The following NRXN3 variants were observed in gnomAD, a reference collection of about 807,000 sequenced individuals.
NRXN3 encodes neurexin 3.
In NRXN3, 32 loss-of-function variants were observed where a neutral mutation model predicts 137.6. The observed-to-expected ratio is 0.23, with a 90% confidence interval of 0.18 to 0.31. The LOEUF (loss-of-function observed/expected upper bound fraction) is 0.31, where lower values mean the gene tolerates loss of function less well. Among genes scored for constraint, NRXN3 ranks in the 10% least tolerant of loss-of-function variants. NRXN3 has a pLI of 1.00. For synonymous variants in NRXN3, 798 were observed against 784.5 expected (o/e 1.02, Z -0.29); for missense variants, 1,574 against 2,062.5 (o/e 0.76, Z 4.59).
intron 15 of NRXN3, among the ~76,000 whole-genome samples, chr14:79,347,175 TA>T (rs2092928233): frequency 6.6e-6 from 1 of 152,136 alleles, no homozygotes; most frequent in Non-Finnish European, 1.5e-5. Flanking sequence ...TCTTTGAAAT[TA>T]AAAAATAACT....
intron 4 of NRXN3, among the ~76,000 whole-genome samples, chr14:78,593,967 G>C (rs182974237): frequency 6.6e-6 from 1 of 152,106 alleles, no homozygotes; most frequent in Non-Finnish European, 1.5e-5. Context: ...GAGGGAAGAG[G>C]CTGCTGGTGC....
chr14:79,741,032 G>T (rs1252063128), intron 19 of NRXN3, among the ~76,000 whole-genome samples: 1 of 151,794 alleles, frequency 6.6e-6, no homozygotes, highest in African/African-American at 2.4e-5. Flanking sequence ...ACCATCTCAA[G>T]GTTAGAGAGG....
chr14:79,568,060 T>C (rs745741045), intron 16 of NRXN3, among the ~76,000 whole-genome samples: 6 of 152,130 alleles, frequency 3.9e-5, no homozygotes, highest in East Asian at 1.9e-4. Context: ...CACAATTCAA[T>C]GGAACTGAAG....
intron 4 of NRXN3, among the ~76,000 whole-genome samples, chr14:78,618,257 C>A (rs1306804493): frequency 6.6e-6 from 1 of 150,812 alleles, no homozygotes; most frequent in East Asian, 1.9e-4. Context: ...TTGTGCTATA[C>A]CTTTTTTTTT....
At chr14:78,371,136 C>T (rs193098040) in intron 4 of NRXN3, among the ~76,000 whole-genome samples, 3 of 152,118 alleles carry the variant, frequency 2.0e-5, no homozygotes, top group Admixed American at 1.3e-4. Context: ...GAACAGTTAT[C>T]CCCGTTTTCC....
At chr14:78,502,604 A>G (rs12586366) in intron 4 of NRXN3, among the ~76,000 whole-genome samples, 63,423 of 152,070 alleles carry the variant, frequency 0.42, 13,414 homozygotes, top group East Asian at 0.51. Context: ...CATTTGTTAT[A>G]TTCACTTTTT....
intron 16 of NRXN3, among the ~76,000 whole-genome samples, chr14:79,557,362 A>T (rs1028370761): frequency 6.6e-6 from 1 of 151,876 alleles, no homozygotes; most frequent in Non-Finnish European, 1.5e-5. Flanking sequence ...GGTTCATAGA[A>T]CTCATTATAT....
chr14:79,546,124 A>G (rs1328464169), intron 16 of NRXN3, among the ~76,000 whole-genome samples: 3 of 152,126 alleles, frequency 2.0e-5, no homozygotes, highest in Admixed American at 1.3e-4. Flanking sequence ...CCCCAGCCAC[A>G]TGGAACTGTA....
intron 4 of NRXN3, among the ~76,000 whole-genome samples, chr14:78,492,796 T>G (rs2095693901): frequency 6.6e-6 from 1 of 152,214 alleles, no homozygotes; most frequent in South Asian, 2.1e-4. Context: ...GTTTTAAACA[T>G]GGATTCAAGC....
intron 15 of NRXN3, among the ~76,000 whole-genome samples, chr14:79,413,516 A>G (rs2095449402): frequency 6.6e-6 from 1 of 152,050 alleles, no homozygotes; most frequent in Non-Finnish European, 1.5e-5. Context: ...GAGATGGACT[A>G]CAAGACTTCT....
intron 1 of NRXN3, among the ~76,000 whole-genome samples, chr14:78,215,417 T>C (rs956128691): frequency 6.6e-6 from 1 of 152,048 alleles, no homozygotes; most frequent in African/African-American, 2.4e-5. Flanking sequence ...TCAGTCTTCA[T>C]GAACAGGACG....
At chr14:79,309,841 C>A (rs2086882213) in intron 15 of NRXN3, among the ~76,000 whole-genome samples, 1 of 134,676 alleles carries the variant, frequency 7.4e-6, no homozygotes, top group Non-Finnish European at 1.5e-5. Context: ...AGCCCTTTGT[C>A]AGATGAGTAG....
At chr14:79,774,110 G>A (rs369141711) in intron 19 of NRXN3, among the ~76,000 whole-genome samples, 2 of 152,098 alleles carry the variant, frequency 1.3e-5, no homozygotes, top group African/African-American at 2.4e-5. Flanking sequence ...ATAACTGTAC[G>A]TGATTTATGA....
chr14:79,722,464 A>G (rs1603449957), intron 19 of NRXN3, among the ~76,000 whole-genome samples: 1 of 152,090 alleles, frequency 6.6e-6, no homozygotes, highest in South Asian at 2.1e-4. Context: ...TGCTCTAACT[A>G]CATTCACTTG....
chr14:78,187,943 A>C (rs181025055), intron 1 of NRXN3, among the ~76,000 whole-genome samples: 39 of 152,310 alleles, frequency 2.6e-4, no homozygotes, highest in African/African-American at 8.2e-4. Flanking sequence ...AGCTCTAATT[A>C]CAACTTCACT....
At chr14:78,761,692 T>C (rs1030002035) in intron 8 of NRXN3, among the ~76,000 whole-genome samples, 3 of 151,958 alleles carry the variant, frequency 2.0e-5, no homozygotes, top group Non-Finnish European at 4.4e-5. Context: ...AATGAAAGAG[T>C]CTGTGGCTTG....
At chr14:79,615,968 A>G (rs1370794719) in intron 16 of NRXN3, among the ~76,000 whole-genome samples, 2 of 152,186 alleles carry the variant, frequency 1.3e-5, no homozygotes, top group African/African-American at 4.8e-5. Context: ...GTTAACTCAC[A>G]GCTAGTAAGT....
chr14:79,796,370 A>C (rs2099160978), intron 19 of NRXN3, among the ~76,000 whole-genome samples: 1 of 152,148 alleles, frequency 6.6e-6, no homozygotes. Flanking sequence ...AGTTTGGTTA[A>C]TCTTCTGTGG....
intron 10 of NRXN3, among the ~76,000 whole-genome samples, chr14:78,836,482 G>A (rs1274607876): frequency 6.6e-6 from 1 of 152,182 alleles, no homozygotes; most frequent in Non-Finnish European, 1.5e-5. Context: ...TGATTCAGTA[G>A]GTTGAGTTGG....
Sources: allele counts gnomAD v4.1 joint callset (sites outside exome capture counted in the v4.1 genomes callset), GRCh38; gene constraint gnomAD v4.1.1; transcripts MANE v1.5; gene names NCBI Gene and HGNC (gene_info 2026-07-23, HGNC 2026-07-21).